SLC8A3: variants seen among roughly 807,000 people sequenced by gnomAD.
SLC8A3 encodes the protein sodium/calcium exchanger 3.
SLC8A3 carries 37 observed loss-of-function variants against 65.4 expected under a neutral mutation model. The observed-to-expected ratio is 0.57, with a 90% CI of 0.44 to 0.74. SLC8A3 has a LOEUF of 0.74. Ranked by LOEUF, SLC8A3 falls within the 30% of genes least tolerant of loss-of-function variation. The pLI is 0.00. For synonymous variants in SLC8A3, 461 were observed against 444.5 expected (o/e 1.04, Z -0.47); for missense variants, 1,112 against 1,172.1 (o/e 0.95, Z 0.75).
At chr14:70,061,153 G>A (rs776316090) in intron 2 of SLC8A3, among the ~76,000 whole-genome samples, 10 of 152,098 alleles carry the variant, frequency 6.6e-5, no homozygotes, top group Non-Finnish European at 1.3e-4. Context: ...TTGTTCTTAC[G>A]GGTGAGGGGG....
chr14:70,158,729 G>C (rs1431098726), intron 2 of SLC8A3, among the ~76,000 whole-genome samples: 1 of 152,116 alleles, frequency 6.6e-6, no homozygotes, highest in Non-Finnish European at 1.5e-5. Context: ...CACATATCCA[G>C]TTTTCAGAAA....
chr14:70,057,244 A>G (rs1027927251), intron 3 of SLC8A3, among the ~76,000 whole-genome samples: 1 of 152,154 alleles, frequency 6.6e-6, no homozygotes, highest in African/African-American at 2.4e-5. Context: ...TTAATGGATC[A>G]ATGGCTTTCC....
intron 2 of SLC8A3, among the ~76,000 whole-genome samples, chr14:70,127,975 C>G (rs1391150047): frequency 6.6e-6 from 1 of 152,080 alleles, no homozygotes; most frequent in Admixed American, 6.5e-5. Context: ...ATAGGATTGC[C>G]GAGATCATTT....
chr14:70,090,624 A>C (rs1422649843), intron 2 of SLC8A3, among the ~76,000 whole-genome samples: 1 of 152,056 alleles, frequency 6.6e-6, no homozygotes, highest in South Asian at 2.1e-4. Context: ...TTTTGGAAAA[A>C]CTTGTATATA....
chr14:70,069,095 A>G (rs537182076), intron 2 of SLC8A3, among the ~76,000 whole-genome samples: 1 of 152,238 alleles, frequency 6.6e-6, no homozygotes, highest in Non-Finnish European at 1.5e-5. Flanking sequence ...TCGCACAGCT[A>G]TTAAGCAGCT....
chr14:70,164,899 A>G (rs1275531739), intron 2 of SLC8A3, among the ~76,000 whole-genome samples: 2 of 152,236 alleles, frequency 1.3e-5, no homozygotes, highest in African/African-American at 4.8e-5. Context: ...GTACATATAA[A>G]TGGATAGTAT....
intron 3 of SLC8A3, chr14:70,060,085 ACTCT>A (rs1456666949): frequency 6.6e-6 from 1 of 152,436 alleles, no homozygotes; most frequent in Non-Finnish European, 1.5e-5. Flanking sequence ...CCAGAAGTCA[ACTCT>A]CTCTCTCAGA....
chr14:70,079,432 G>GT (rs1890843603), intron 2 of SLC8A3, among the ~76,000 whole-genome samples: 1 of 151,958 alleles, frequency 6.6e-6, no homozygotes, highest in South Asian at 2.1e-4. Flanking sequence ...GAACCCAGGA[G>GT]GCAGAGGTTA....
In SLC8A3 at chr14:70,111,998, T is replaced by C. The variant is rs186521591; in HGVS notation, c.1785-51059A>G. On this transcript the variant is annotated intron_variant, in intron 2 of 6. Transcript: ENST00000356921. The stretch of plus-strand genomic sequence containing the variant: ...GCTGCAGTTACAGTAAAGGGATTTG[T>C]CAGTCAGCTTGGGTCTTCTGCAGAG... Among the ~76,000 whole-genome samples the C allele has an allele frequency of 7.1e-4, 108 of 152,334 alleles. 1 individual carries two copies. The highest frequency in any genetic ancestry group is 2.5e-3 in the African/African-American group (104 of 41,580).
At chr14:70,134,512 C>A (rs1417471575) in intron 2 of SLC8A3, among the ~76,000 whole-genome samples, 1 of 152,122 alleles carries the variant, frequency 6.6e-6, no homozygotes, top group Non-Finnish European at 1.5e-5. Context: ...CTAGACACCA[C>A]CCTCAAGTCC....
intron 1 of SLC8A3, chr14:70,187,341 G>GAA (rs1256062526): frequency 8.8e-5 from 15 of 170,378 alleles, no homozygotes; most frequent in African/African-American, 1.7e-4. Flanking sequence ...GGGAGAGAGA[G>GAA]AGAGAGAGAG....
intron 2 of SLC8A3, among the ~76,000 whole-genome samples, chr14:70,087,670 C>A (rs1891529739): frequency 6.6e-6 from 1 of 152,150 alleles, no homozygotes; most frequent in African/African-American, 2.4e-5. Context: ...GTAAATCAAA[C>A]AAATTGGAAG....
upstream of SLC8A3, among the ~76,000 whole-genome samples, chr14:70,189,269 T>C (rs542382383): frequency 1.2e-4 from 18 of 151,934 alleles, no homozygotes; most frequent in East Asian, 3.3e-3. Context: ...CGCCCGCGCC[T>C]CCCGGCCGGC....
chr14:70,166,776 C>T lies in SLC8A3; in HGVS notation c.1647G>A (p.Glu549=), dbSNP rs751672238. Residue 549 remains glutamate (E), a synonymous_variant, in exon 2 of 7, where the codon GAG becomes GAA. Transcript: ENST00000356921. ...CACCTGATGTCCGCAGAACCTTGAC[C>T]TCCATAACACCAATACTCTCACTGA... is the stretch of plus-strand genomic sequence containing the variant. ...IHVSESIGVM[E]VKVLRTSGAR... is the part of the protein sequence containing the mutation. 9.3e-6 allele frequency: 15 copies of T among 1,613,968 alleles called. No homozygotes were observed. The highest frequency in any genetic ancestry group is 1.2e-5 in the Non-Finnish European group (14 of 1,179,944).
At chr14:70,055,989 G>C (rs1410564248) in intron 3 of SLC8A3, among the ~76,000 whole-genome samples, 1 of 152,192 alleles carries the variant, frequency 6.6e-6, no homozygotes, top group African/African-American at 2.4e-5. Context: ...CATGCACAGA[G>C]CAGCAGCAAG....
chr14:70,143,687 T>C (rs1292830901), intron 2 of SLC8A3, among the ~76,000 whole-genome samples: 1 of 152,030 alleles, frequency 6.6e-6, no homozygotes, highest in Non-Finnish European at 1.5e-5. Context: ...AAAGAACTCA[T>C]CCCTAGGAGA....
intron 2 of SLC8A3, among the ~76,000 whole-genome samples, chr14:70,148,937 T>A (rs1056512363): frequency 1.3e-5 from 2 of 152,174 alleles, no homozygotes; most frequent in Non-Finnish European, 2.9e-5. Flanking sequence ...CAATCATGCC[T>A]CAACCATGGC....
intron 2 of SLC8A3, among the ~76,000 whole-genome samples, chr14:70,150,206 T>G (rs560089904): frequency 6.6e-6 from 1 of 152,208 alleles, no homozygotes; most frequent in Admixed American, 6.5e-5. Flanking sequence ...CTAAACGTTT[T>G]ATATTGCATA....
intron 4 of SLC8A3, 27 bp from the exon 5 acceptor site, chr14:70,051,134 C>A: frequency 2.6e-6 from 4 of 1,514,396 alleles, no homozygotes; most frequent in Non-Finnish European, 3.7e-6. Flanking sequence ...AACTTGGAAC[C>A]ATGAGGTTAG....
Sources: allele counts gnomAD v4.1 joint callset (sites outside exome capture counted in the v4.1 genomes callset), GRCh38; gene constraint gnomAD v4.1.1; transcripts MANE v1.5; gene names NCBI Gene and HGNC (gene_info 2026-07-23, HGNC 2026-07-21).